Variants in ZMAT3 observed in about 807,000 individuals in gnomAD.
ZMAT3 encodes zinc finger matrin-type protein 3.
In ZMAT3, 17 loss-of-function variants were observed where a neutral mutation model predicts 32.3. The observed-to-expected ratio is 0.53, with a 90% CI of 0.36 to 0.79. The LOEUF (loss-of-function observed/expected upper bound fraction) is 0.79. Ranked by LOEUF, ZMAT3 falls within the 30% of genes least tolerant of loss-of-function variation. ZMAT3 has a pLI of 0.00. For synonymous variants in ZMAT3, 120 were observed against 133.1 expected (o/e 0.90, Z 0.68); for missense variants, 329 against 359.7 (o/e 0.91, Z 0.69).
intron 2 of ZMAT3, among the ~76,000 whole-genome samples, chr3:179,066,371 A>G (rs1721418589): frequency 6.6e-6 from 1 of 152,222 alleles, no homozygotes; most frequent in African/African-American, 2.4e-5. Context: ...GCAACATATT[A>G]TGTCTTCCCC....
intron 2 of ZMAT3, among the ~76,000 whole-genome samples, chr3:179,062,761 G>A (rs911064200): frequency 1.3e-5 from 2 of 152,154 alleles, no homozygotes; most frequent in African/African-American, 4.8e-5. Flanking sequence ...TATTCTTCAT[G>A]AGAATCTTTT....
intron 2 of ZMAT3, among the ~76,000 whole-genome samples, chr3:179,054,005 T>G (rs144355132): frequency 1.3e-5 from 2 of 152,362 alleles, no homozygotes; most frequent in East Asian, 3.9e-4. Context: ...ACAACTATAC[T>G]GTAGTTATGT....
Position 179,019,153 on chromosome 3 carries a change from T to A in ZMAT3, c.*5864A>T, listed in dbSNP as rs995409056. On this transcript the variant is annotated 3_prime_UTR_variant, in exon 6 of 6. Transcript: ENST00000311417. Reference sequence around the variant, plus strand: ...GAAAAGAAAAATTATATTGAAACTTTAAAATTTATGACAAGCACTTAAAAA... The same window carrying A: ...GAAAAGAAAAATTATATTGAAACTTAAAAATTTATGACAAGCACTTAAAAA... 6.6e-6 allele frequency: 1 copy of A among 152,166 alleles called. No individual in the cohort carries two copies. Among genetic ancestry groups the A allele is most frequent in the South Asian group, 2.1e-4 (1 of 4,830 alleles). The allele number at this position is 152,166 out of a possible 1,614,324, so 9.4% of individuals were successfully genotyped here.
At chr3:179,060,676 C>T (rs1237838320) in intron 2 of ZMAT3, among the ~76,000 whole-genome samples, 3 of 151,914 alleles carry the variant, frequency 2.0e-5, no homozygotes. Flanking sequence ...TTCTCCAGAG[C>T]AAGAGAAACA....
chr3:179,052,593 C>A (rs1040058957), intron 2 of ZMAT3, among the ~76,000 whole-genome samples: 1 of 152,060 alleles, frequency 6.6e-6, no homozygotes, highest in African/African-American at 2.4e-5. Context: ...GTGGAGATTC[C>A]TTCCTTAAAG....
intron 2 of ZMAT3, among the ~76,000 whole-genome samples, chr3:179,031,706 A>G (rs1003147074): frequency 2.0e-5 from 3 of 152,072 alleles, no homozygotes; most frequent in African/African-American, 7.2e-5. Flanking sequence ...CAGGAGTTCG[A>G]GACCAGCCTG....
At chr3:179,032,060 G>A (rs1182363887) in intron 2 of ZMAT3, among the ~76,000 whole-genome samples, 7 of 14 alleles carry the variant, frequency 0.5, no homozygotes, top group African/African-American at 0.5. Context: ...CTGATCCGAG[G>A]CTGGACTGCT....
chr3:179,066,122 T>C (rs1397494905), intron 2 of ZMAT3, among the ~76,000 whole-genome samples: 1 of 152,136 alleles, frequency 6.6e-6, no homozygotes, highest in Non-Finnish European at 1.5e-5. Flanking sequence ...AGATTAATCA[T>C]GCTAACAGAC....
At position 179,036,696 on chromosome 3, in the gene ZMAT3, G is replaced by A. The variant is rs551633490; in HGVS notation, c.271-5697C>T. On this transcript the variant is annotated intron_variant, in intron 2 of 5. Transcript: ENST00000311417. ...ATCTCAATATGAGATTGAGACAACC[G>A]AAAGACATCTTAATGAATCCAAGAG... 1.6e-3 allele frequency among the ~76,000 whole-genome samples: 248 copies of A among 152,208 alleles called. 3 individuals carry two copies. The highest frequency in any genetic ancestry group is 5.6e-3 in the African/African-American group (232 of 41,532).
chr3:179,056,157 A>C (rs979601921), intron 2 of ZMAT3, among the ~76,000 whole-genome samples: 16 of 152,198 alleles, frequency 1.1e-4, no homozygotes, highest in Admixed American at 7.9e-4. Flanking sequence ...AAGGCCAACT[A>C]ATCTTAAAGG....
At chr3:179,058,954 C>T (rs909319160) in intron 2 of ZMAT3, among the ~76,000 whole-genome samples, 6 of 152,116 alleles carry the variant, frequency 3.9e-5, no homozygotes, top group African/African-American at 1.4e-4. Flanking sequence ...CTTAAGTATA[C>T]CTACCTAGTC....
At chr3:179,027,118 C>T (rs1490008956) in intron 5 of ZMAT3, among the ~76,000 whole-genome samples, 3 of 152,112 alleles carry the variant, frequency 2.0e-5, no homozygotes, top group African/African-American at 4.8e-5. Context: ...CCAAGTAGCC[C>T]ATTTTTATCA....
At chr3:179,031,586 G>T (rs972466228) in intron 2 of ZMAT3, among the ~76,000 whole-genome samples, 3 of 152,064 alleles carry the variant, frequency 2.0e-5, no homozygotes, top group African/African-American at 7.2e-5. Context: ...ACAGCCAAAG[G>T]AAATTAATTT....
intron 2 of ZMAT3, among the ~76,000 whole-genome samples, chr3:179,065,899 C>G (rs1721391240): frequency 1.3e-5 from 2 of 151,948 alleles, no homozygotes; most frequent in African/African-American, 4.8e-5. Flanking sequence ...GAGCGAGACT[C>G]TGTCTCAAAA....
upstream of ZMAT3, among the ~76,000 whole-genome samples, chr3:179,072,452 C>T (rs1348155946): frequency 6.6e-6 from 1 of 152,074 alleles, no homozygotes; most frequent in Non-Finnish European, 1.5e-5. Context: ...AAAAGAGTGG[C>T]CAACGCTAGG....
At chr3:179,026,117 A>T (rs1718853427) in intron 5 of ZMAT3, among the ~76,000 whole-genome samples, 1 of 152,118 alleles carries the variant, frequency 6.6e-6, no homozygotes, top group Non-Finnish European at 1.5e-5. Flanking sequence ...AGTTATTTAG[A>T]AGTGTTTTTA....
At chr3:179,060,386 T>C (rs1460871231) in intron 2 of ZMAT3, among the ~76,000 whole-genome samples, 1 of 151,732 alleles carries the variant, frequency 6.6e-6, no homozygotes, top group African/African-American at 2.4e-5. Flanking sequence ...TAAGAAAGAA[T>C]ATTTTTTTTT....
intron 2 of ZMAT3, among the ~76,000 whole-genome samples, chr3:179,036,932 T>A (rs1719625586): frequency 6.6e-6 from 1 of 152,074 alleles, no homozygotes; most frequent in Admixed American, 6.6e-5. Context: ...AGCCGACCCG[T>A]GAACCAATCA....
rs747869262 is a variant in ZMAT3, at chr3:179,020,483, T to G, written c.*4534A>C. 8 of 152,230 alleles carry G rather than the reference T, an allele frequency of 5.3e-5. No homozygotes were observed. The highest frequency in any genetic ancestry group is 1.2e-4 in the Non-Finnish European group (8 of 68,034). 9.4% of individuals were successfully genotyped at this position (152,230 alleles called of 1,614,324 possible). A position where few individuals can be genotyped will look rare whatever the true frequency, so the allele number is the denominator to read the frequency against. ...CACTTTTTATCATATATGAAACTCC[T>G]GTACAATGATTTGGCTAGAAGAAAA... On this transcript the variant is annotated 3_prime_UTR_variant, in exon 6 of 6. Coordinates refer to ENST00000311417, the MANE Select transcript of ZMAT3 (RefSeq NM_022470.4).
Sources: allele counts gnomAD v4.1 joint callset (sites outside exome capture counted in the v4.1 genomes callset), GRCh38; gene constraint gnomAD v4.1.1; transcripts MANE v1.5; gene names NCBI Gene and HGNC (gene_info 2026-07-23, HGNC 2026-07-21).